The following WDR7 variants were observed in gnomAD, a reference collection of about 807,000 sequenced individuals.
WDR7 encodes the protein WD repeat domain 7.
A neutral mutation model predicts 169.4 loss-of-function variants in WDR7; 46 were observed. The ratio of observed to expected loss-of-function variants is 0.27; its 90% confidence interval spans 0.21 to 0.35. WDR7 has a LOEUF of 0.35. Ranked by LOEUF, WDR7 falls within the 10% of genes least tolerant of loss-of-function variation. WDR7 has a pLI of 1.00. For missense variants in WDR7, 1,534 were observed against 1,859.3 expected (o/e 0.83, Z 3.22); for synonymous variants, 612 against 666.8 (o/e 0.92, Z 1.27).
chr18:56,860,245 A>ACC (rs2045783255), intron 20 of WDR7, among the ~76,000 whole-genome samples: 1 of 152,148 alleles, frequency 6.6e-6, no homozygotes, highest in Non-Finnish European at 1.5e-5. Flanking sequence ...AATTCTTATA[A>ACC]CCATTAATAC....
intron 26 of WDR7, among the ~76,000 whole-genome samples, chr18:57,000,468 T>A (rs2047960461): frequency 6.6e-6 from 1 of 152,232 alleles, no homozygotes; most frequent in Non-Finnish European, 1.5e-5. Context: ...TTTAGCTATA[T>A]GTACCATATT....
chr18:56,844,152 C>T (rs2045530604), intron 20 of WDR7, among the ~76,000 whole-genome samples: 1 of 149,134 alleles, frequency 6.7e-6, no homozygotes, highest in African/African-American at 2.5e-5. Context: ...TGAGCCACCA[C>T]ACTCAATCTA....
intron 1 of WDR7, among the ~76,000 whole-genome samples, chr18:56,662,302 CAG>C (rs2024921445): frequency 6.6e-6 from 1 of 152,202 alleles, no homozygotes; most frequent in Non-Finnish European, 1.5e-5. Context: ...GCTAGACAAA[CAG>C]TGTGGAGGAA....
At chr18:56,761,397 T>C (rs2043978842) in intron 16 of WDR7, among the ~76,000 whole-genome samples, 1 of 152,198 alleles carries the variant, frequency 6.6e-6, no homozygotes, top group Non-Finnish European at 1.5e-5. Context: ...TAATTACTGT[T>C]GCTCTGTAAT....
intron 14 of WDR7, among the ~76,000 whole-genome samples, chr18:56,732,338 A>T (rs1220724749): frequency 6.6e-6 from 1 of 152,222 alleles, no homozygotes; most frequent in Admixed American, 6.5e-5. Flanking sequence ...TCAATATTTC[A>T]TCTCAATCAC....
At chr18:56,903,744 G>T (rs949337374) in intron 21 of WDR7, among the ~76,000 whole-genome samples, 7 of 152,044 alleles carry the variant, frequency 4.6e-5, no homozygotes, top group African/African-American at 1.4e-4. Context: ...AATGGAAGTT[G>T]GATTTGGTGT....
intron 26 of WDR7, among the ~76,000 whole-genome samples, chr18:56,998,292 C>A (rs541825077): frequency 6.6e-6 from 1 of 152,296 alleles, no homozygotes; most frequent in African/African-American, 2.4e-5. Context: ...AGGATTTTCA[C>A]TGGGCATCAC....
intron 13 of WDR7, among the ~76,000 whole-genome samples, chr18:56,723,227 A>G (rs1281211047): frequency 6.6e-6 from 1 of 151,784 alleles, no homozygotes; most frequent in East Asian, 1.9e-4. Context: ...TGTTTAAAAC[A>G]AACAAAAGTA....
chr18:56,776,986 A>T, intron 17 of WDR7, 106 bp downstream of exon 17: 2 of 1,073,872 alleles, frequency 1.9e-6, no homozygotes, highest in Non-Finnish European at 2.8e-6. Flanking sequence ...TATGTATGAG[A>T]TTCTAAAGTT....
chr18:56,889,290 T>C (rs908438255), intron 21 of WDR7, among the ~76,000 whole-genome samples: 11 of 152,228 alleles, frequency 7.2e-5, no homozygotes, highest in African/African-American at 2.4e-4. Flanking sequence ...GAAACTGTCA[T>C]TTATTTAACA....
chr18:56,998,532 T>C (rs2047930845), intron 26 of WDR7, among the ~76,000 whole-genome samples: 1 of 152,196 alleles, frequency 6.6e-6, no homozygotes, highest in South Asian at 2.1e-4. Flanking sequence ...GAATTAATCG[T>C]TTAACTTCTG....
intron 19 of WDR7, among the ~76,000 whole-genome samples, chr18:56,797,058 G>A (rs17750277): frequency 0.16 from 24,790 of 152,064 alleles, 2,385 homozygotes; most frequent in Non-Finnish European, 0.2. Flanking sequence ...GCACCTTGGC[G>A]GAATCATGTG....
At chr18:56,794,304 A>ATTTCTTTTTTTTTTTTTTT (rs2044543681) in intron 19 of WDR7, among the ~76,000 whole-genome samples, 1 of 49,466 alleles carries the variant, frequency 2.0e-5, no homozygotes, top group East Asian at 6.1e-4. Flanking sequence ...GGTAAAGTCT[A>ATTTCTTTTTTTTTTTTTTT]TTTTTTTTTT....
At chr18:56,658,517 G>A (rs551279156) in intron 1 of WDR7, among the ~76,000 whole-genome samples, 1 of 152,250 alleles carries the variant, frequency 6.6e-6, no homozygotes, top group Admixed American at 6.5e-5. Flanking sequence ...TCTGAATGTT[G>A]GTAGTTGGTA....
At chr18:56,988,943 T>G (rs749899701) in intron 26 of WDR7, among the ~76,000 whole-genome samples, 27 of 148,364 alleles carry the variant, frequency 1.8e-4, no homozygotes, top group Non-Finnish European at 3.2e-4. Flanking sequence ...ATAATTTATG[T>G]TTTTTTATAT....
At chr18:56,732,915 A>T (rs1469318918) in intron 14 of WDR7, among the ~76,000 whole-genome samples, 1 of 152,192 alleles carries the variant, frequency 6.6e-6, no homozygotes, top group African/African-American at 2.4e-5. Flanking sequence ...ACTCCCAGAT[A>T]TATTCTTTTT....
At chr18:56,949,532 G>A (rs1306865291) in intron 25 of WDR7, among the ~76,000 whole-genome samples, 1 of 152,190 alleles carries the variant, frequency 6.6e-6, no homozygotes, top group Non-Finnish European at 1.5e-5. Flanking sequence ...GGAATATATG[G>A]TCAGAATTTA....
chr18:56,929,704 TG>T (rs2046855142), intron 22 of WDR7, among the ~76,000 whole-genome samples: 1 of 152,196 alleles, frequency 6.6e-6, no homozygotes, highest in South Asian at 2.1e-4. Context: ...TTTTAAATAA[TG>T]GGGATGGACT....
At chr18:56,813,366 G>A (rs979348564) in intron 19 of WDR7, among the ~76,000 whole-genome samples, 1 of 152,016 alleles carries the variant, frequency 6.6e-6, no homozygotes, top group Admixed American at 6.6e-5. Context: ...TAGGGCAAAA[G>A]CATTCAGACT....
Sources: gnomAD v4.1 joint callset for allele counts (sites outside exome capture counted in the v4.1 genomes callset) on GRCh38, gnomAD v4.1.1 for gene constraint, MANE v1.5 for transcripts, NCBI Gene and HGNC (gene_info 2026-07-23, HGNC 2026-07-21) for gene names.